ADGRG2: variants seen among roughly 807,000 people sequenced by gnomAD.
ADGRG2 encodes G protein-coupled receptor 64.
ADGRG2 carries 26 observed loss-of-function variants against 74.1 expected under a neutral mutation model. That is an observed-to-expected ratio of 0.35 (90% CI 0.26 to 0.49). The LOEUF is 0.49. ADGRG2 is among the 20% of genes least tolerant of loss of function. The pLI, the probability that ADGRG2 is intolerant of heterozygous loss-of-function variation, is 0.99. For missense variants in ADGRG2, 619 were observed against 763.1 expected (o/e 0.81, Z 2.22); for synonymous variants, 296 against 295.2 (o/e 1.00, Z -0.03).
intron 17 of ADGRG2, among the ~76,000 whole-genome samples, chrX:19,010,017 G>C: frequency 9.0e-6 from 1 of 110,948 alleles, no homozygotes; most frequent in Non-Finnish European, 1.9e-5. Context: ...CACCATGTTG[G>C]CCAGGATGGT....
At chrX:19,052,407 G>A (rs977354072) in intron 3 of ADGRG2, among the ~76,000 whole-genome samples, 1 of 111,230 alleles carries the variant, frequency 9.0e-6, no homozygotes. Flanking sequence ...AAAAGATGGT[G>A]GCCAAGCTAC....
At chrX:19,082,974 T>G (rs1385631228) in intron 1 of ADGRG2, among the ~76,000 whole-genome samples, 1 of 110,504 alleles carries the variant, frequency 9.0e-6, no homozygotes, top group Non-Finnish European at 1.9e-5. Flanking sequence ...CAAAGCCAGT[T>G]TGGGGACTGA....
Position 19,023,400 on chromosome X carries a change from A to C in ADGRG2, c.548+16T>G. ...ATGGAGAAATTATATTTATGAAAGTATTAAAAATGACTGACCTTTGGGCCT... is the reference window on the plus strand; with the variant it reads ...ATGGAGAAATTATATTTATGAAAGTCTTAAAAATGACTGACCTTTGGGCCT... On this transcript the variant is annotated intron_variant, in intron 13 of 28. Transcript: ENST00000379869. 1 of 1,044,316 alleles carries C rather than the reference A, an allele frequency of 9.6e-7. No individual in the cohort carries two copies. The highest frequency in any genetic ancestry group is 1.3e-6 in the Non-Finnish European group (1 of 763,851). The allele number at this position is 1,044,316 out of a possible 1,213,427, so 86.1% of individuals were successfully genotyped here. A position where few individuals can be genotyped will look rare whatever the true frequency, so the allele number is the denominator to read the frequency against.
At chrX:19,062,232 C>T (rs138613623) in intron 3 of ADGRG2, among the ~76,000 whole-genome samples, 41 of 111,984 alleles carry the variant, frequency 3.7e-4, no homozygotes, top group African/African-American at 1.3e-3. Context: ...GAGGGGACAT[C>T]ATCTCCCAGA....
intron 1 of ADGRG2, among the ~76,000 whole-genome samples, chrX:19,108,241 C>T (rs2062349969): frequency 9.1e-6 from 1 of 109,409 alleles, no homozygotes; most frequent in African/African-American, 3.3e-5. Flanking sequence ...CTGAGGCGGG[C>T]AGGTTGCTTG....
intron 22 of ADGRG2, 136 bp downstream of exon 22, chrX:19,005,866 T>G: frequency 2.1e-6 from 1 of 476,111 alleles, no homozygotes; most frequent in Non-Finnish European, 3.8e-6. Context: ...AGCAATCTCA[T>G]TGGTGTATAA....
chrX:19,031,991 T>C (rs1422379655), intron 8 of ADGRG2: 2 of 112,536 alleles, frequency 1.8e-5, no homozygotes, highest in Non-Finnish European at 3.8e-5. Context: ...TATTTTTGTC[T>C]CCTTGTTAGG....
intron 2 of ADGRG2, among the ~76,000 whole-genome samples, chrX:19,071,875 GA>G (rs1462061832): frequency 5.4e-5 from 6 of 110,648 alleles, no homozygotes; most frequent in African/African-American, 2.0e-4. Context: ...CAGTGCCACA[GA>G]AAATGCTCTC....
chrX:19,059,960 C>T (rs1236629992), intron 3 of ADGRG2, among the ~76,000 whole-genome samples: 4 of 110,812 alleles, frequency 3.6e-5, no homozygotes, highest in African/African-American at 6.6e-5. Context: ...GGCAAAACCC[C>T]GTCTCTACTA....
At chrX:19,010,123 GTT>G (rs946891811) in intron 17 of ADGRG2, among the ~76,000 whole-genome samples, 2 of 93,109 alleles carry the variant, frequency 2.1e-5, no homozygotes, top group Admixed American at 1.2e-4. Context: ...TTTTGTTTTT[GTT>G]TTTTTTTTTT....
intron 1 of ADGRG2, among the ~76,000 whole-genome samples, chrX:19,097,105 T>A (rs1318074729): frequency 5.3e-5 from 6 of 112,340 alleles, no homozygotes; most frequent in Non-Finnish European, 1.1e-4. Context: ...CTGCCTCCCC[T>A]CCTTATGCTC....
At chrX:19,087,431 T>C (rs1024896216) in intron 1 of ADGRG2, among the ~76,000 whole-genome samples, 1 of 112,083 alleles carries the variant, frequency 8.9e-6, no homozygotes, top group Non-Finnish European at 1.9e-5. Context: ...GAAGGACACC[T>C]AACCCAGTGT....
Position 19,021,088 on chromosome X carries a change from A to G in ADGRG2, c.643+16T>C. 1.3e-6 allele frequency: 1 copy of G among 797,129 alleles called. No homozygotes were observed. 65.7% of individuals were successfully genotyped at this position (797,129 alleles called of 1,213,427 possible). A position where few individuals can be genotyped will look rare whatever the true frequency, so the allele number is the denominator to read the frequency against. On this transcript the variant is annotated intron_variant, in intron 14 of 28. Transcript: ENST00000379869. Reference sequence around the variant, plus strand: ...AATCCACATGAAGATTAATGCAGCAATAATAGACAACTTACCCATTGGTCG... The same window carrying G: ...AATCCACATGAAGATTAATGCAGCAGTAATAGACAACTTACCCATTGGTCG...
intron 1 of ADGRG2, among the ~76,000 whole-genome samples, chrX:19,119,284 G>A (rs1022525027): frequency 3.6e-5 from 4 of 111,967 alleles, no homozygotes; most frequent in Admixed American, 1.9e-4. Flanking sequence ...ATTTGATTGC[G>A]GGAATTTATT....
rs1254728520 is a variant in ADGRG2, at chrX:19,065,090, C to T, written c.118+3627G>A. ...TTCGAGACCACCCTGGGCAATATAG[C>T]GAGACCCCATCTCTACAAAAAATTT... On this transcript the variant is annotated intron_variant, in intron 3 of 28. Coordinates refer to ENST00000379869, the MANE Select transcript of ADGRG2 (RefSeq NM_001079858.3). Among the ~76,000 whole-genome samples, 7 of 107,564 alleles carry T rather than the reference C, an allele frequency of 6.5e-5. No homozygotes were observed. The East Asian group carries it at 8.7e-4, about 13-fold the overall frequency. 93.4% of individuals were successfully genotyped at this position (107,564 alleles called of 115,157 possible).
intron 8 of ADGRG2, 175 bp from the exon 9 acceptor site, chrX:19,031,212 G>GGTCATTTGTCA: frequency 2.3e-6 from 1 of 434,379 alleles, no homozygotes. Context: ...TTCATTTGTT[G>GGTCATTTGTCA]GTCATTTGTC....
chrX:19,007,989 A>G lies in ADGRG2; in HGVS notation c.1557T>C (p.Ala519=). The change falls in exon 19 of 29, where the codon GCT becomes GCC. Residue 519 remains alanine, a synonymous_variant. Coordinates refer to ENST00000379869, the MANE Select transcript of ADGRG2 (RefSeq NM_001079858.3). ...TGAGCAGCAGTTTTACCTGAAACAA[A>G]GCAGGTGTTTCAAAAAAATTGAACT... ...RVQFNFFETP[A]LFQDPSLENL... is the part of the protein sequence containing the mutation. The G allele has an allele frequency of 1.7e-6, 2 of 1,204,866 alleles. No individual in the cohort carries two copies. The highest frequency in any genetic ancestry group is 3.5e-5 in the African/African-American group (2 of 57,658).
intron 3 of ADGRG2, among the ~76,000 whole-genome samples, chrX:19,051,065 A>G (rs2061311163): frequency 8.9e-6 from 1 of 111,907 alleles, no homozygotes; most frequent in Admixed American, 9.5e-5. Flanking sequence ...CATGTCGCAC[A>G]TGGTGCCCAT....
At chrX:19,001,747 T>A (rs1340648183) in intron 24 of ADGRG2, among the ~76,000 whole-genome samples, 1 of 111,346 alleles carries the variant, frequency 9.0e-6, no homozygotes, top group Non-Finnish European at 1.9e-5. Context: ...TCAATCTTGA[T>A]GTGTAGGAAT....
Sources: gnomAD v4.1 joint callset for allele counts (sites outside exome capture counted in the v4.1 genomes callset) on GRCh38, gnomAD v4.1.1 for gene constraint, MANE v1.5 for transcripts, NCBI Gene and HGNC (gene_info 2026-07-23, HGNC 2026-07-21) for gene names.